Variants in CHODL observed in about 807,000 individuals in gnomAD.
CHODL encodes the protein transmembrane protein MT75.
Under a neutral mutation model 34.5 loss-of-function variants are expected in CHODL, and 29 were observed. That is an observed-to-expected ratio of 0.84 (90% CI 0.63 to 1.15). The LOEUF (loss-of-function observed/expected upper bound fraction) is 1.15, where lower values mean the gene tolerates loss of function less well. Among genes scored for constraint, CHODL ranks in the 50% most tolerant of loss-of-function variants. CHODL has a pLI of 0.00. For synonymous variants in CHODL, 125 were observed against 116.1 expected (o/e 1.08, Z -0.49); for missense variants, 332 against 332.5 (o/e 1.00, Z 0.01).
At chr21:18,187,449 C>T (rs777990009) in intron 2 of CHODL, among the ~76,000 whole-genome samples, 5 of 152,034 alleles carry the variant, frequency 3.3e-5, no homozygotes, top group African/African-American at 9.7e-5. Flanking sequence ...CTCATGACAC[C>T]GTCACATTTT....
intron 2 of CHODL, among the ~76,000 whole-genome samples, chr21:18,050,385 C>T (rs577602259): frequency 1.5e-4 from 23 of 152,014 alleles, no homozygotes; most frequent in Admixed American, 9.8e-4. Flanking sequence ...GCAAGAAAGG[C>T]ATTTCTGTTT....
intron 2 of CHODL, among the ~76,000 whole-genome samples, chr21:18,193,124 A>G (rs576937399): frequency 3.3e-5 from 5 of 152,186 alleles, no homozygotes; most frequent in Non-Finnish European, 7.3e-5. Flanking sequence ...CTAAATACTG[A>G]CTAGCATTAG....
intron 2 of CHODL, among the ~76,000 whole-genome samples, chr21:18,171,921 T>TA (rs1349941344): frequency 6.6e-6 from 1 of 152,128 alleles, no homozygotes; most frequent in Non-Finnish European, 1.5e-5. Context: ...AGGGACTCTT[T>TA]AAGAGTGTTG....
At chr21:18,126,974 ACT>A (rs1297214380) in intron 2 of CHODL, among the ~76,000 whole-genome samples, 3 of 151,910 alleles carry the variant, frequency 2.0e-5, no homozygotes, top group African/African-American at 7.3e-5. Context: ...GGCCAAATGA[ACT>A]CTCACAATGC....
At chr21:18,135,804 T>C (rs2072714985) in intron 2 of CHODL, among the ~76,000 whole-genome samples, 1 of 152,052 alleles carries the variant, frequency 6.6e-6, no homozygotes, top group Non-Finnish European at 1.5e-5. Context: ...TCTGAGTGAA[T>C]GTATGGATAA....
intron 2 of CHODL, among the ~76,000 whole-genome samples, chr21:18,158,832 C>G (rs1568915802): frequency 8.9e-6 from 1 of 112,832 alleles, no homozygotes. Flanking sequence ...GAGTGAAACT[C>G]CGTCTTAAAA....
intron 2 of CHODL, among the ~76,000 whole-genome samples, chr21:18,168,268 A>G (rs779544091): frequency 6.6e-6 from 1 of 152,188 alleles, no homozygotes; most frequent in Admixed American, 6.5e-5. Context: ...ATATGCCTTA[A>G]TAAAGTCTCT....
intron 2 of CHODL, among the ~76,000 whole-genome samples, chr21:18,030,043 C>A (rs1347058289): frequency 6.6e-6 from 1 of 152,042 alleles, no homozygotes; most frequent in Non-Finnish European, 1.5e-5. Context: ...CTAACATAGC[C>A]CCCAGTGATC....
At chr21:18,102,806 C>A (rs979859045) in intron 2 of CHODL, among the ~76,000 whole-genome samples, 1 of 152,130 alleles carries the variant, frequency 6.6e-6, no homozygotes, top group African/African-American at 2.4e-5. Flanking sequence ...AGCAAGATAG[C>A]ACTCTTTAGT....
intron 2 of CHODL, among the ~76,000 whole-genome samples, chr21:18,032,548 G>A (rs2064259960): frequency 6.6e-6 from 1 of 152,046 alleles, no homozygotes; most frequent in Non-Finnish European, 1.5e-5. Context: ...TCTCCAATAT[G>A]ACTGGTGCTG....
chr21:17,993,476 T>A (rs958543812), intron 1 of CHODL, among the ~76,000 whole-genome samples: 1 of 152,234 alleles, frequency 6.6e-6, no homozygotes, highest in African/African-American at 2.4e-5. Flanking sequence ...AATATTTGTT[T>A]TCTGTTCCTG....
At chr21:18,265,197 A>G (rs2074438905) in intron 5 of CHODL, among the ~76,000 whole-genome samples, 1 of 141,968 alleles carries the variant, frequency 7.0e-6, no homozygotes, top group African/African-American at 3.0e-5. Flanking sequence ...ATATATACAC[A>G]CACACACACA....
At chr21:18,071,172 T>A (rs2146499366) in intron 2 of CHODL, among the ~76,000 whole-genome samples, 1 of 124,164 alleles carries the variant, frequency 8.1e-6, no homozygotes, top group African/African-American at 3.1e-5. Context: ...TTTTGAGAGG[T>A]AGTCTCACCC....
At chr21:18,017,830 T>C (rs2064089793) in intron 1 of CHODL, among the ~76,000 whole-genome samples, 1 of 152,164 alleles carries the variant, frequency 6.6e-6, no homozygotes, top group African/African-American at 2.4e-5. Flanking sequence ...CCTAGAAAAT[T>C]CACAGGCACT....
chr21:18,056,476 C>CT (rs34378503), intron 2 of CHODL, among the ~76,000 whole-genome samples: 41,827 of 141,900 alleles, frequency 0.29, 8,909 homozygotes, highest in African/African-American at 0.6. Context: ...TATTTTCCTT[C>CT]TTTTTTTTTT....
At chr21:18,081,800 T>C (rs1211603820) in intron 2 of CHODL, among the ~76,000 whole-genome samples, 1 of 152,216 alleles carries the variant, frequency 6.6e-6, no homozygotes, top group Non-Finnish European at 1.5e-5. Context: ...TTGTCATATA[T>C]TGCCTTTTTT....
chr21:18,233,467 C>A (rs1380086458), intron 2 of CHODL, among the ~76,000 whole-genome samples: 1 of 151,912 alleles, frequency 6.6e-6, no homozygotes, highest in Non-Finnish European at 1.5e-5. Context: ...GAGGATGAAA[C>A]AAGTTAATAT....
At chr21:18,152,682 T>A (rs75263589) in intron 2 of CHODL, among the ~76,000 whole-genome samples, 4 of 152,176 alleles carry the variant, frequency 2.6e-5, no homozygotes, top group South Asian at 2.1e-4. Context: ...TTTGCTAAGA[T>A]GAATCTTACA....
chr21:17,920,811 A>C (rs1430149781), intron 1 of CHODL, among the ~76,000 whole-genome samples: 1 of 152,216 alleles, frequency 6.6e-6, no homozygotes, highest in Admixed American at 6.5e-5. Flanking sequence ...ACTGAAGACA[A>C]AGATAAGGAT....
Sources: gnomAD v4.1 joint callset for allele counts (sites outside exome capture counted in the v4.1 genomes callset) on GRCh38, gnomAD v4.1.1 for gene constraint, MANE v1.5 for transcripts, NCBI Gene and HGNC (gene_info 2026-07-23, HGNC 2026-07-21) for gene names.